SPON2: variants seen among roughly 807,000 people sequenced by gnomAD.
The protein encoded by SPON2 is spondin-2.
Under a neutral mutation model 29.9 loss-of-function variants are expected in SPON2, and 32 were observed. The ratio of observed to expected loss-of-function variants is 1.07; its 90% CI spans 0.81 to 1.44. The LOEUF (loss-of-function observed/expected upper bound fraction) is 1.44. Among genes scored for constraint, SPON2 ranks in the 40% most tolerant of loss-of-function variants. The pLI, the probability that SPON2 is intolerant of heterozygous loss-of-function variation, is 0.00. For missense variants in SPON2, 541 were observed against 455.5 expected, an observed-to-expected ratio of 1.19 and a Z score of -1.71; for synonymous variants, 248 against 209.1, an observed-to-expected ratio of 1.19 and a Z score of -1.61.
intron 1 of SPON2, among the ~76,000 whole-genome samples, chr4:1,189,655 A>AAAAAG (rs1560208668): frequency 6.9e-6 from 1 of 145,568 alleles, no homozygotes; most frequent in African/African-American, 2.6e-5. Flanking sequence ...AAAAAAAAAA[A>AAAAAG]AAAGAAAGAA....
chr4:1,171,837 G>C lies in SPON2; in HGVS notation c.220+15C>G, dbSNP rs928735611. On this transcript the variant is annotated intron_variant, in intron 2 of 5. Coordinates refer to ENST00000290902, the MANE Select transcript of SPON2 (RefSeq NM_012445.4). ...CTCCTGGTGGAGCAGGAGGCGAGGA[G>C]GGGGCTGTACTTACCCAGCAGCGAA... 2.5e-6 allele frequency: 4 copies of C among 1,589,860 alleles called. No individual in the cohort carries two copies. In the South Asian group the frequency reaches 4.4e-5, roughly 18 times the overall value.
intron 1 of SPON2, among the ~76,000 whole-genome samples, chr4:1,203,347 C>T (rs1287353990): frequency 1.3e-5 from 2 of 152,190 alleles, no homozygotes; most frequent in Non-Finnish European, 2.9e-5. Flanking sequence ...CATAAATGGT[C>T]TCATGTGATA....
upstream of SPON2, among the ~76,000 whole-genome samples, chr4:1,176,945 G>A (rs953844534): frequency 3.3e-5 from 5 of 152,160 alleles, no homozygotes; most frequent in African/African-American, 1.2e-4. Context: ...CTCAGAGATG[G>A]GGACAAAGGA....
At chr4:1,174,499 AAAACAAAAAAAC>A (rs1286657888), upstream of SPON2, among the ~76,000 whole-genome samples, 11 of 149,854 alleles carry the variant, frequency 7.3e-5, no homozygotes, top group Non-Finnish European at 1.5e-4. Context: ...AAAAAAAAAA[AAAACAAAAAAAC>A]AAAAAACAAA....
At chr4:1,170,607 G>A (rs752094281) in intron 4 of SPON2, 31 bp from the exon 5 acceptor site, 1 of 1,586,964 alleles carries the variant, frequency 6.3e-7, no homozygotes, top group Non-Finnish European at 8.6e-7. Flanking sequence ...GTTGGCCTGG[G>A]GTCCGAGAAG....
At chr4:1,170,890 A>G in intron 4 of SPON2, 109 bp downstream of exon 4, 1 of 1,426,114 alleles carries the variant, frequency 7.0e-7, no homozygotes, top group Non-Finnish European at 9.6e-7. Flanking sequence ...TCCACACAAA[A>G]GCCGCAAGCG....
upstream of SPON2, among the ~76,000 whole-genome samples, chr4:1,195,373 C>T (rs1251665899): frequency 4.6e-5 from 7 of 152,258 alleles, no homozygotes; most frequent in African/African-American, 7.2e-5. Context: ...CGTCGGTGGG[C>T]GCATCAGCTT....
chr4:1,169,477 C>T (rs1404543951), intron 5 of SPON2, among the ~76,000 whole-genome samples: 2 of 152,286 alleles, frequency 1.3e-5, no homozygotes, highest in East Asian at 1.9e-4. Context: ...TTCCCGCCAG[C>T]CAGGCGGCCT....
At chr4:1,208,601 C>T (rs1728406867), upstream of SPON2, 1 of 152,400 alleles carries the variant, frequency 6.6e-6, no homozygotes, top group Non-Finnish European at 1.5e-5. Flanking sequence ...TCACCGCTTC[C>T]TCCTGCTCCA....
rs915898506 is a variant in SPON2 at position 1,202,226 on chromosome 4, C to T, written c.-234+5654G>A. 2.6e-5 allele frequency among the ~76,000 whole-genome samples: 4 copies of T among 152,198 alleles called. No individual in the cohort carries two copies. Among genetic ancestry groups the T allele is most frequent in the Non-Finnish European group, 5.9e-5 (4 of 68,040 alleles). ...CTCTTCCACGATGGCCCTTGCACGT[C>T]GCATCCTCACCGGCTGGAGGGTGGG... On this transcript the variant is annotated intron_variant, in intron 1 of 3. Coordinates refer to the SPON2 transcript ENST00000509233. The surrounding 1 kb of genome is among the most constrained non-coding windows in gnomAD (Gnocchi z 5.4).
At chr4:1,170,181 G>A in intron 5 of SPON2, 1 of 552,290 alleles carries the variant, frequency 1.8e-6, no homozygotes, top group Non-Finnish European at 3.2e-6. Flanking sequence ...CTTTCCTCTG[G>A]GCTGTGGCCC....
intron 1 of SPON2, among the ~76,000 whole-genome samples, chr4:1,189,741 C>A (rs1278191165): frequency 6.6e-6 from 1 of 151,382 alleles, no homozygotes; most frequent in Non-Finnish European, 1.5e-5. Context: ...ATAATCCCAG[C>A]ACTTTGGGAG....
intron 5 of SPON2, chr4:1,168,064 T>A (rs1353241307): frequency 5.5e-6 from 1 of 181,590 alleles, no homozygotes; most frequent in Non-Finnish European, 1.1e-5. Flanking sequence ...GGCACCTGAT[T>A]AGCTGTCTTG....
intron 1 of SPON2, chr4:1,194,878 GC>G (rs1560210471): frequency 6.1e-4 from 90 of 148,280 alleles, no homozygotes; most frequent in Middle Eastern, 3.8e-3. Context: ...ACAGCCGGCG[GC>G]TCCAACGCCA....
At chr4:1,194,989 CCTCACAGCCGGCGGT>C (rs1225475468) in exon 1 of SPON2, 44 of 141,296 alleles carry the variant, frequency 3.1e-4, no homozygotes, top group South Asian at 4.6e-4. Flanking sequence ...GGCGGCCTCA[CCTCACAGCCGGCGGT>C]TCCAACCCCG....
rs147909620 is a variant in SPON2, at chr4:1,192,021, T to A, written c.-239+2969A>T. Among the ~76,000 whole-genome samples, 204 of 152,338 alleles carry A rather than the reference T, an allele frequency of 1.3e-3. 1 individual carries two copies. Among genetic ancestry groups the A allele is most frequent in the African/African-American group, 4.8e-3 (199 of 41,578 alleles). ...TAGAAGAGACTCAGCCCCATGAGGATGTGGGTGCCCCTCATCTCTCCACAG... is the reference window on the plus strand; with the variant it reads ...TAGAAGAGACTCAGCCCCATGAGGAAGTGGGTGCCCCTCATCTCTCCACAG... On this transcript the variant is annotated intron_variant, in intron 1 of 3. Transcript: ENST00000502483.
At chr4:1,187,249 A>C (rs977881654) in intron 1 of SPON2, among the ~76,000 whole-genome samples, 30 of 152,358 alleles carry the variant, frequency 2.0e-4, no homozygotes, top group African/African-American at 7.2e-4. Flanking sequence ...ACATTATGCT[A>C]AGTAAAATAA....
At chr4:1,175,569 G>T (rs1336866049), upstream of SPON2, among the ~76,000 whole-genome samples, 11 of 151,172 alleles carry the variant, frequency 7.3e-5, no homozygotes, top group African/African-American at 2.7e-4. Context: ...AGGCTGTGTG[G>T]GGGGAGTCTC....
At chr4:1,173,115 T>TG (rs1727518572), upstream of SPON2, 1 of 151,918 alleles carries the variant, frequency 6.6e-6, no homozygotes. Context: ...TACACCTTCT[T>TG]GCGCAGGGTG....
Sources: allele counts gnomAD v4.1 joint callset (sites outside exome capture counted in the v4.1 genomes callset), GRCh38; gene constraint gnomAD v4.1.1; non-coding constraint Gnocchi (gnomAD v3.1); transcripts MANE v1.5; gene names NCBI Gene and HGNC (gene_info 2026-07-23, HGNC 2026-07-21).